The following NAV3 variants were observed in gnomAD, a reference collection of about 807,000 sequenced individuals.
The protein encoded by NAV3 is neuron navigator 3, also known as pore membrane and/or filament interacting like protein 1.
NAV3 carries 87 observed loss-of-function variants against 244.7 expected under a neutral mutation model. The observed-to-expected ratio is 0.36, with a 90% CI of 0.30 to 0.42. NAV3 has a LOEUF of 0.42. Ranked by LOEUF, NAV3 falls within the 20% of genes least tolerant of loss-of-function variation. The pLI is 1.00. For synonymous variants in NAV3, 1,126 were observed against 1,042.2 expected (o/e 1.08, Z -1.55); for missense variants, 2,663 against 2,893.3 (o/e 0.92, Z 1.83).
At chr12:77,845,299 G>T (rs183674153) in intron 1 of NAV3, among the ~76,000 whole-genome samples, 2 of 152,272 alleles carry the variant, frequency 1.3e-5, no homozygotes, top group African/African-American at 4.8e-5. Flanking sequence ...TGCTTAGATT[G>T]GGGCTCAGTG....
intron 3 of NAV3, among the ~76,000 whole-genome samples, chr12:77,953,535 C>T (rs1034965631): frequency 3.9e-5 from 6 of 152,228 alleles, no homozygotes; most frequent in South Asian, 2.1e-4. Flanking sequence ...AATTAATAAA[C>T]GTACTCCTTG....
At chr12:77,607,842 A>G (rs1165672051) in intron 2 of NAV3, among the ~76,000 whole-genome samples, 1 of 152,120 alleles carries the variant, frequency 6.6e-6, no homozygotes, top group East Asian at 1.9e-4. Context: ...ACTGTGTCTT[A>G]TCTTCCTTTG....
At chr12:78,113,890 GT>G (rs1234276823) in intron 12 of NAV3, among the ~76,000 whole-genome samples, 1 of 152,098 alleles carries the variant, frequency 6.6e-6, no homozygotes, top group African/African-American at 2.4e-5. Flanking sequence ...TTAAAATTAA[GT>G]TCCAATTCCA....
In NAV3 at chr12:78,094,012, T is replaced by G. The variant is rs141849893; in HGVS notation, c.2637-22760T>G. 2.2e-4 allele frequency among the ~76,000 whole-genome samples: 33 copies of G among 152,202 alleles called. No homozygotes were observed. In the South Asian group the frequency reaches 5.8e-3, roughly 27 times the overall value. ...CACACCATCACATCTGACTAAATTT[T>G]TAATTTTTTTAGAGATGAAGTCTCG... On this transcript the variant is annotated intron_variant, in intron 12 of 39. Coordinates refer to ENST00000397909, the MANE Select transcript of NAV3 (RefSeq NM_001024383.2).
chr12:77,957,130 C>T (rs1339835902), intron 3 of NAV3, among the ~76,000 whole-genome samples: 1 of 152,220 alleles, frequency 6.6e-6, no homozygotes, highest in Non-Finnish European at 1.5e-5. Flanking sequence ...CTCCTCGCTG[C>T]TCTACAGAGT....
intron 1 of NAV3, among the ~76,000 whole-genome samples, chr12:77,909,495 G>A (rs1011509001): frequency 4.6e-5 from 7 of 151,956 alleles, no homozygotes; most frequent in Admixed American, 4.6e-4. Flanking sequence ...TTGTGGCACT[G>A]CATGCTGGTA....
At chr12:78,062,578 CT>C (rs1566079601) in intron 12 of NAV3, among the ~76,000 whole-genome samples, 2 of 152,042 alleles carry the variant, frequency 1.3e-5, no homozygotes, top group Non-Finnish European at 2.9e-5. Context: ...TTTTTTATCA[CT>C]GATTCCCTCC....
At chr12:77,964,017 C>T (rs924746056) in intron 3 of NAV3, among the ~76,000 whole-genome samples, 9 of 144,894 alleles carry the variant, frequency 6.2e-5, no homozygotes, top group Non-Finnish European at 1.2e-4. Context: ...CCTCCCTCCT[C>T]TTCCCTCCTC....
intron 2 of NAV3, among the ~76,000 whole-genome samples, chr12:77,642,496 C>A (rs1872456828): frequency 1.3e-5 from 2 of 152,030 alleles, no homozygotes; most frequent in African/African-American, 4.8e-5. Context: ...TTAAAACTTT[C>A]TATAAGCTTT....
chr12:77,905,152 T>A (rs959015400), intron 1 of NAV3, among the ~76,000 whole-genome samples: 1 of 152,094 alleles, frequency 6.6e-6, no homozygotes, highest in Non-Finnish European at 1.5e-5. Flanking sequence ...TCTTCAGGGA[T>A]CTGGGGCTTT....
intron 1 of NAV3, among the ~76,000 whole-genome samples, chr12:77,903,564 C>T (rs1431426369): frequency 6.6e-6 from 1 of 152,084 alleles, no homozygotes; most frequent in African/African-American, 2.4e-5. Flanking sequence ...TAGGCAACAC[C>T]ATTCAGGACA....
chr12:77,772,246 C>T (rs903105745), intron 2 of NAV3, among the ~76,000 whole-genome samples: 8 of 152,208 alleles, frequency 5.3e-5, no homozygotes, highest in Non-Finnish European at 1.2e-4. Flanking sequence ...CTGATTCTGT[C>T]AAGGCATATC....
rs960182596 is a variant in NAV3, at chr12:77,961,831, AAC to A, written c.415-4390_415-4389del. On this transcript the variant is annotated intron_variant, in intron 3 of 39. Transcript: ENST00000397909. ...TCTATGTATACATTACACACATACA[AAC>A]ACACACATGTAATATGTAACATATA... Among the ~76,000 whole-genome samples, 18 of 150,932 alleles carry A rather than the reference AAC, an allele frequency of 1.2e-4. 2 individuals carry two copies. Among genetic ancestry groups the A allele is most frequent in the Admixed American group, 1.0e-3 (15 of 15,036 alleles).
chr12:77,771,158 A>G (rs936491750), intron 2 of NAV3, among the ~76,000 whole-genome samples: 3 of 152,208 alleles, frequency 2.0e-5, no homozygotes, highest in Admixed American at 6.5e-5. Context: ...AAAACACATG[A>G]AAAAATGCTC....
At chr12:77,765,668 G>T (rs1300887916) in intron 2 of NAV3, among the ~76,000 whole-genome samples, 2 of 152,186 alleles carry the variant, frequency 1.3e-5, no homozygotes. Flanking sequence ...TAGAGTTCAT[G>T]TGGGGGATGG....
At chr12:78,063,443 T>G (rs575522058) in intron 12 of NAV3, among the ~76,000 whole-genome samples, 55 of 152,158 alleles carry the variant, frequency 3.6e-4, no homozygotes, top group Non-Finnish European at 7.2e-4. Flanking sequence ...TAACTCCTAT[T>G]ATTGTTCTTA....
chr12:78,149,030 C>A (rs767981619), intron 22 of NAV3, 111 bp downstream of exon 22: 11 of 863,472 alleles, frequency 1.3e-5, no homozygotes, highest in Non-Finnish European at 2.0e-5. Context: ...ACTTAGATTA[C>A]CAACTAGCAG....
chr12:78,065,000 A>G (rs894414943), intron 12 of NAV3, among the ~76,000 whole-genome samples: 2 of 152,132 alleles, frequency 1.3e-5, no homozygotes, highest in African/African-American at 2.4e-5. Flanking sequence ...CGTAAGATCA[A>G]TAGATACAGT....
chr12:78,070,180 T>A (rs1952684562), intron 12 of NAV3, among the ~76,000 whole-genome samples: 1 of 152,092 alleles, frequency 6.6e-6, no homozygotes. Context: ...ATAAAATTAT[T>A]TATAATAATA....
Sources: gnomAD v4.1 joint callset for allele counts (sites outside exome capture counted in the v4.1 genomes callset) on GRCh38, gnomAD v4.1.1 for gene constraint, MANE v1.5 for transcripts, NCBI Gene and HGNC (gene_info 2026-07-23, HGNC 2026-07-21) for gene names.